The following XRRA1 variants were observed in gnomAD, a reference collection of about 807,000 sequenced individuals.
The protein encoded by XRRA1 is X-ray radiation resistance associated 1.
In XRRA1, 69 loss-of-function variants were observed where a neutral mutation model predicts 80.2. That is an observed-to-expected ratio of 0.86 (90% confidence interval 0.71 to 1.05). The LOEUF (loss-of-function observed/expected upper bound fraction) is 1.05, where lower values mean the gene tolerates loss of function less well. Ranked by LOEUF, XRRA1 falls within the 50% of genes least tolerant of loss-of-function variation. The pLI is 0.00. For missense variants in XRRA1, 967 were observed against 976.4 expected, an observed-to-expected ratio of 0.99 and a Z score of 0.13; for synonymous variants, 348 against 389.9, an observed-to-expected ratio of 0.89 and a Z score of 1.27.
chr11:74,852,937 A>G (rs1341338059), intron 12 of XRRA1, among the ~76,000 whole-genome samples: 1 of 152,192 alleles, frequency 6.6e-6, no homozygotes, highest in Non-Finnish European at 1.5e-5. Flanking sequence ...CAAGGGCTGG[A>G]AGAGGGAGGG....
At chr11:74,844,416 T>C (rs2037440623) in intron 16 of XRRA1, 133 bp from the exon 17 acceptor site, 1 of 662,180 alleles carries the variant, frequency 1.5e-6, no homozygotes, top group African/African-American at 1.8e-5. Flanking sequence ...AAGAAAACAC[T>C]GCCCCCAGGT....
intron 12 of XRRA1, among the ~76,000 whole-genome samples, chr11:74,853,684 T>C (rs2040422957): frequency 6.6e-6 from 1 of 152,214 alleles, no homozygotes. Context: ...ACTTTTATTG[T>C]GTTAAGTGAT....
chr11:74,932,384 G>C lies in XRRA1; in HGVS notation c.351+1417C>G, dbSNP rs73496936. On this transcript the variant is annotated intron_variant, in intron 5 of 18. Coordinates refer to ENST00000684022, the MANE Select transcript of XRRA1 (RefSeq NM_001378157.1). ...CTCTGAGGTCATATTTCGCACCCTC[G>C]TGTTTCCCTCATTGACTGCATTAGC... 2.5e-3 allele frequency among the ~76,000 whole-genome samples: 382 copies of C among 152,206 alleles called. 1 individual carries two copies. The highest frequency in any genetic ancestry group is 8.8e-3 in the African/African-American group (367 of 41,510).
intron 10 of XRRA1, among the ~76,000 whole-genome samples, chr11:74,878,944 T>C (rs1218757749): frequency 5.9e-5 from 9 of 151,844 alleles, no homozygotes; most frequent in Admixed American, 2.6e-4. Flanking sequence ...CTTGGCGATG[T>C]GGGTTCTTTT....
rs1355314064 is a variant in XRRA1 at position 74,843,903 on chromosome 11, G to A, written c.2100C>T (p.Asp700=). 6 of 1,613,502 alleles carry A rather than the reference G, an allele frequency of 3.7e-6. No individual in the cohort carries two copies. Among genetic ancestry groups the A allele is most frequent in the Non-Finnish European group, 5.1e-6 (6 of 1,179,760 alleles). Residue 700 remains aspartate (D), a synonymous_variant, in exon 18 of 19, where the codon GAC becomes GAT. Coordinates refer to ENST00000684022, the MANE Select transcript of XRRA1 (RefSeq NM_001378157.1). ...GGGGATCCCGCAAGCGAATGAAGAT[G>A]TCATCCAGAAGTTGGGCTCTAGTCT... The part of the protein sequence containing the change: ...PKKTRAQLLD[D]IFIRLRDPRN...
At chr11:74,907,341 A>G (rs1156414617) in intron 8 of XRRA1, 68 bp from the exon 9 acceptor site, 2 of 1,590,424 alleles carry the variant, frequency 1.3e-6, no homozygotes, top group Non-Finnish European at 1.7e-6. Context: ...CCAGGAAGCC[A>G]TGGAGGACAG....
Position 74,845,182 on chromosome 11 carries a change from C to A in XRRA1, c.1818G>T (p.Glu606Asp), listed in dbSNP as rs542642864. Reference sequence around the variant, plus strand: ...GGAGTTTCCTCCGAGTCCCTTTCACCTCTCTGGGTGCCGTTGGTGGTTTCT... The same window carrying A: ...GGAGTTTCCTCCGAGTCCCTTTCACATCTCTGGGTGCCGTTGGTGGTTTCT... ...DQKKPPTAPR[E>D]VKGTRRKLPT... Residue 606 changes from glutamate (E) to aspartate (D), a missense_variant, in exon 16 of 19, where the codon GAG becomes GAT. Glu to Asp is a conservative substitution (Grantham distance 45). Coordinates refer to ENST00000684022, the MANE Select transcript of XRRA1 (RefSeq NM_001378157.1). 9.9e-6 allele frequency: 16 copies of A among 1,614,088 alleles called. No homozygotes were observed. Among genetic ancestry groups the A allele is most frequent in the African/African-American group, 1.3e-5 (1 of 75,074 alleles).
intron 4 of XRRA1, among the ~76,000 whole-genome samples, chr11:74,936,153 G>A (rs766541105): frequency 1.3e-5 from 2 of 152,220 alleles, no homozygotes; most frequent in African/African-American, 2.4e-5. Context: ...ATGAGAACTC[G>A]ACTGCACATT....
At chr11:74,895,461 A>G (rs114318209) in intron 10 of XRRA1, among the ~76,000 whole-genome samples, 1,572 of 152,340 alleles carry the variant, frequency 0.01, 32 homozygotes, top group African/African-American at 0.034. Context: ...CTGAAGTGCA[A>G]TGGAGTTCTA....
Position 74,906,600 on chromosome 11 carries a change from C to T in XRRA1, c.786-144G>A, listed in dbSNP as rs978565584. On this transcript the variant is annotated intron_variant, in intron 9 of 18. Coordinates refer to ENST00000684022, the MANE Select transcript of XRRA1 (RefSeq NM_001378157.1). ...ACGTTGAGCCGGTGACTTACTCTCT[C>T]TGGGATTCAATATCCCTGTCTCTAA... 14 of 899,482 alleles carry T rather than the reference C, an allele frequency of 1.6e-5. No individual in the cohort carries two copies. In the African/African-American group the frequency reaches 2.2e-4, roughly 14 times the overall value. 55.7% of individuals were successfully genotyped at this position (899,482 alleles called of 1,614,324 possible).
At position 74,848,288 on chromosome 11, in the gene XRRA1, C is replaced by G. The variant is rs914067118; in HGVS notation, c.1555G>C (p.Glu519Gln). The G allele has an allele frequency of 7.4e-6, 12 of 1,613,756 alleles. No homozygotes were observed. In the Admixed American group the frequency reaches 1.5e-4, roughly 20 times the overall value. Residue 519 changes from glutamate (E) to glutamine (Q), a missense_variant, in exon 15 of 19, where the codon GAA (glutamate) becomes CAA (glutamine). Physicochemically the swap from Glu to Gln is conservative, Grantham distance 29 (BLOSUM62 2). Coordinates refer to ENST00000684022, the MANE Select transcript of XRRA1 (RefSeq NM_001378157.1). ...VESEMPTENL[E>Q]GHSPSCRTFV... ...GTCCGGCAAGACGGGGAATGGCCTT[C>G]CAGGTTCTCAGTGGGCATCTCTGAC...
chr11:74,844,306 A>C, intron 16 of XRRA1, 23 bp from the exon 17 acceptor site: 1 of 1,585,596 alleles, frequency 6.3e-7, no homozygotes, highest in Non-Finnish European at 8.6e-7. Flanking sequence ...GGCAAGACTG[A>C]GTCAAGGCAC....
At chr11:74,859,390 G>C in intron 11 of XRRA1, 107 bp from the exon 12 acceptor site, 1 of 1,298,242 alleles carries the variant, frequency 7.7e-7, no homozygotes, top group Non-Finnish European at 1.0e-6. Flanking sequence ...GACCTTCCTA[G>C]AGAGACTTGG....
At chr11:74,922,573 C>T (rs114317195) in intron 7 of XRRA1, among the ~76,000 whole-genome samples, 3,452 of 152,294 alleles carry the variant, frequency 0.023, 148 homozygotes, top group African/African-American at 0.079. Context: ...CCTCAACATA[C>T]ATTGAAGTCT....
rs140913393 is a variant in XRRA1 at position 74,946,901 on chromosome 11, G to A, written c.-72-1816C>T. Among the ~76,000 whole-genome samples the A allele has an allele frequency of 3.0e-3, 450 of 152,168 alleles. 3 individuals carry two copies. The highest frequency in any genetic ancestry group is 0.01 in the African/African-American group (420 of 41,558). ...CTAGAAGCTGGGACTACAGGCGCCCGCCACCATGCCTGGGTAATTTTTTGT... is the reference window on the plus strand; with the variant it reads ...CTAGAAGCTGGGACTACAGGCGCCCACCACCATGCCTGGGTAATTTTTTGT... On this transcript the variant is annotated intron_variant, in intron 1 of 18. Transcript: ENST00000684022.
chr11:74,906,706 A>G, intron 9 of XRRA1: 2 of 537,486 alleles, frequency 3.7e-6, no homozygotes, highest in Non-Finnish European at 6.5e-6. Context: ...GGCACAAAGT[A>G]GTATTCAGTA....
chr11:74,867,850 A>C (rs964720427), intron 10 of XRRA1, among the ~76,000 whole-genome samples: 2 of 151,590 alleles, frequency 1.3e-5, no homozygotes, highest in African/African-American at 2.4e-5. Flanking sequence ...ACAAAAAAAA[A>C]CCCATCAACT....
chr11:74,878,377 G>A lies in XRRA1; in HGVS notation c.1004-15356C>T, dbSNP rs1213719145. ...TCTGGATATTAGCCCTTTGTCAGAGGAGTAGGTTGTGAAAATTTTCTCCCA... is the reference window on the plus strand; with the variant it reads ...TCTGGATATTAGCCCTTTGTCAGAGAAGTAGGTTGTGAAAATTTTCTCCCA... On this transcript the variant is annotated intron_variant, in intron 10 of 18. Coordinates refer to ENST00000684022, the MANE Select transcript of XRRA1 (RefSeq NM_001378157.1). 6.6e-5 allele frequency among the ~76,000 whole-genome samples: 10 copies of A among 151,688 alleles called. 1 individual carries two copies. The highest frequency in any genetic ancestry group is 6.6e-4 in the Admixed American group (10 of 15,226).
At chr11:74,858,900 GTC>G (rs1481127844) in intron 12 of XRRA1, among the ~76,000 whole-genome samples, 1 of 152,180 alleles carries the variant, frequency 6.6e-6, no homozygotes, top group Non-Finnish European at 1.5e-5. Flanking sequence ...GAGAGGCCAA[GTC>G]TCTTTCCACA....
Sources: gnomAD v4.1 joint callset for allele counts (sites outside exome capture counted in the v4.1 genomes callset) on GRCh38, gnomAD v4.1.1 for gene constraint, MANE v1.5 for transcripts, NCBI Gene and HGNC (gene_info 2026-07-23, HGNC 2026-07-21) for gene names.